The following CRADD variants were observed in gnomAD, a reference collection of about 807,000 sequenced individuals.
The protein encoded by CRADD is death domain-containing protein CRADD.
Under a neutral mutation model 15.5 loss-of-function variants are expected in CRADD, and 9 were observed. The observed-to-expected ratio is 0.58, with a 90% CI of 0.35 to 1.01. The LOEUF is 1.01. Among genes scored for constraint, CRADD ranks in the 50% least tolerant of loss-of-function variants. The pLI, the probability that CRADD is intolerant of heterozygous loss-of-function variation, is 0.02. For synonymous variants in CRADD, 118 were observed against 107.6 expected (o/e 1.10, Z -0.60); for missense variants, 227 against 250.3 (o/e 0.91, Z 0.63).
At chr12:93,825,987 T>G (rs991982951) in intron 2 of CRADD, among the ~76,000 whole-genome samples, 1 of 152,238 alleles carries the variant, frequency 6.6e-6, no homozygotes, top group African/African-American at 2.4e-5. Context: ...TGTGCTTTTA[T>G]TTTCTCTTCT....
intron 2 of CRADD, among the ~76,000 whole-genome samples, chr12:93,759,862 A>C (rs921899055): frequency 1.3e-5 from 2 of 152,216 alleles, no homozygotes; most frequent in Admixed American, 1.3e-4. Context: ...TGTTCATTGG[A>C]CTTCCAGGAA....
At position 93,849,767 on chromosome 12, in the gene CRADD, TAA is replaced by T. The variant is rs562491080; in HGVS notation, c.299-199_299-198del. On this transcript the variant is annotated intron_variant, in intron 2 of 2. Transcript: ENST00000332896. ...AAAAAAAAAAAAAAAAAAGTTTCTG[TAA>T]AAACATTTTCACAGATACTTAACAG... 1.5e-3 allele frequency among the ~76,000 whole-genome samples: 219 copies of T among 149,520 alleles called. 3 individuals carry two copies. Among genetic ancestry groups the T allele is most frequent in the Admixed American group, 0.013 (194 of 15,052 alleles).
chr12:93,727,385 G>T (rs1165390517), intron 2 of CRADD, among the ~76,000 whole-genome samples: 1 of 152,280 alleles, frequency 6.6e-6, no homozygotes, highest in South Asian at 2.1e-4. Flanking sequence ...CATCCAAGCT[G>T]GGAATCTCTG....
chr12:93,700,077 G>C (rs1238479859), intron 2 of CRADD, among the ~76,000 whole-genome samples: 1 of 152,206 alleles, frequency 6.6e-6, no homozygotes, highest in Non-Finnish European at 1.5e-5. Context: ...AGCCAGTCCA[G>C]ATGGAGGAGA....
intron 2 of CRADD, among the ~76,000 whole-genome samples, chr12:93,887,616 T>C (rs1231041814): frequency 1.3e-5 from 2 of 152,040 alleles, no homozygotes; most frequent in Non-Finnish European, 1.5e-5. Context: ...CACAGTTTGA[T>C]TTGCACATCT....
chr12:93,854,330 C>T (rs140346068), downstream of CRADD, among the ~76,000 whole-genome samples: 775 of 152,318 alleles, frequency 5.1e-3, 2 homozygotes, highest in Non-Finnish European at 6.6e-3. Context: ...GGTCACACGC[C>T]TTTTATCTGT....
At chr12:93,761,430 G>T (rs1956960712) in intron 2 of CRADD, among the ~76,000 whole-genome samples, 1 of 152,180 alleles carries the variant, frequency 6.6e-6, no homozygotes, top group Non-Finnish European at 1.5e-5. Context: ...ACTGGGAGAA[G>T]TGGTCACTTT....
At chr12:93,807,852 G>A (rs539397207) in intron 2 of CRADD, among the ~76,000 whole-genome samples, 1 of 152,070 alleles carries the variant, frequency 6.6e-6, no homozygotes, top group East Asian at 1.9e-4. Flanking sequence ...CACTGTTTAG[G>A]TACTTGGTTT....
At chr12:93,861,846 C>T (rs552603044) in intron 2 of CRADD, among the ~76,000 whole-genome samples, 25 of 152,230 alleles carry the variant, frequency 1.6e-4, no homozygotes, top group South Asian at 6.2e-4. Context: ...TTTTTGAAGA[C>T]AGGGTGATAT....
intron 2 of CRADD, among the ~76,000 whole-genome samples, chr12:93,691,141 A>G (rs534437689): frequency 1.3e-5 from 2 of 152,166 alleles, no homozygotes; most frequent in East Asian, 3.9e-4. Context: ...GGCCTTTCAT[A>G]TTTGTTTGAG....
At chr12:93,857,901 G>T (rs1037227061) in intron 2 of CRADD, among the ~76,000 whole-genome samples, 9 of 152,184 alleles carry the variant, frequency 5.9e-5, no homozygotes, top group African/African-American at 1.9e-4. Flanking sequence ...TGATTTAATG[G>T]ACAAATTATA....
At chr12:93,810,772 C>A (rs910370615) in intron 2 of CRADD, among the ~76,000 whole-genome samples, 2 of 152,050 alleles carry the variant, frequency 1.3e-5, no homozygotes, top group Admixed American at 1.3e-4. Flanking sequence ...TTCAACCTGG[C>A]CTTCCCTCCC....
chr12:93,680,780 A>G (rs1955268818), intron 2 of CRADD, among the ~76,000 whole-genome samples: 1 of 152,254 alleles, frequency 6.6e-6, no homozygotes, highest in Admixed American at 6.5e-5. Flanking sequence ...AAACAACAAA[A>G]CAGGTGAACT....
intron 2 of CRADD, among the ~76,000 whole-genome samples, chr12:93,747,364 A>G (rs1454219971): frequency 6.6e-6 from 1 of 152,078 alleles, no homozygotes; most frequent in Admixed American, 6.6e-5. Flanking sequence ...GGGGCATGAG[A>G]CAGGGAGACG....
At chr12:93,688,078 A>G (rs181335889) in intron 2 of CRADD, among the ~76,000 whole-genome samples, 2 of 152,350 alleles carry the variant, frequency 1.3e-5, no homozygotes, top group Admixed American at 6.5e-5. Context: ...CCTCTCAGTT[A>G]AAAAGTGAGC....
chr12:93,730,827 C>T (rs1358410531), intron 2 of CRADD, among the ~76,000 whole-genome samples: 3 of 151,626 alleles, frequency 2.0e-5, no homozygotes, highest in African/African-American at 7.3e-5. Flanking sequence ...GCTATTCTCC[C>T]ACCTCAGCCT....
At chr12:93,688,451 C>A (rs1206306182) in intron 2 of CRADD, among the ~76,000 whole-genome samples, 2 of 148,814 alleles carry the variant, frequency 1.3e-5, no homozygotes, top group African/African-American at 5.0e-5. Flanking sequence ...TGCAATGAGT[C>A]GAGAGCACAC....
chr12:93,794,660 C>T (rs1400190962), intron 2 of CRADD, among the ~76,000 whole-genome samples: 1 of 152,172 alleles, frequency 6.6e-6, no homozygotes, highest in Admixed American at 6.6e-5. Context: ...TGTGTTTGCC[C>T]CTGGCAGTCC....
chr12:93,678,691 A>G, intron 1 of CRADD, 78 bp from the exon 2 acceptor site: 1 of 1,472,764 alleles, frequency 6.8e-7, no homozygotes, highest in Non-Finnish European at 9.2e-7. Flanking sequence ...ACCTGAAGGA[A>G]CTTACATTGC....
Sources: gnomAD v4.1 joint callset for allele counts (sites outside exome capture counted in the v4.1 genomes callset) on GRCh38, gnomAD v4.1.1 for gene constraint, MANE v1.5 for transcripts, NCBI Gene and HGNC (gene_info 2026-07-23, HGNC 2026-07-21) for gene names.